Variants in PEX1 observed in about 807,000 individuals in gnomAD.
PEX1 encodes peroxisomal biogenesis factor 1.
Under a neutral mutation model 152.5 loss-of-function variants are expected in PEX1, and 97 were observed. That is an observed-to-expected ratio of 0.64 (90% CI 0.54 to 0.75). PEX1 has a LOEUF of 0.75. Ranked by LOEUF, PEX1 falls within the 30% of genes least tolerant of loss-of-function variation. The probability of loss-of-function intolerance (pLI) is 0.00; values close to 1 mark genes in which losing one functional copy is unlikely to be tolerated. For synonymous variants in PEX1, 485 were observed against 531.6 expected (o/e 0.91, Z 1.21); for missense variants, 1,357 against 1,516.3 (o/e 0.89, Z 1.74).
At chr7:92,527,594 G>T (rs1193993868) in intron 1 of PEX1, among the ~76,000 whole-genome samples, 1 of 152,216 alleles carries the variant, frequency 6.6e-6, no homozygotes. Flanking sequence ...GATTTATGAG[G>T]ATTTCAAATA....
At chr7:92,496,337 G>A (rs1791651839) in intron 17 of PEX1, among the ~76,000 whole-genome samples, 1 of 151,914 alleles carries the variant, frequency 6.6e-6, no homozygotes, top group Non-Finnish European at 1.5e-5. Context: ...TGGCCAGATG[G>A]ACTCTTGACT....
chr7:92,494,705 A>AATCACTT, intron 17 of PEX1, 76 bp from the exon 18 acceptor site: 1 of 1,168,222 alleles, frequency 8.6e-7, no homozygotes, highest in Non-Finnish European at 1.2e-6. Flanking sequence ...ACATATATGA[A>AATCACTT]TGTATTTATT....
At position 92,487,204 on chromosome 7, in the gene PEX1, T is replaced by C; in HGVS notation, c.*253A>G. ...AATTAGTTCCACCATTTGGCTAATA[T>C]TATTTCATTAAAGACTGAATTTAGA... On this transcript the variant is annotated 3_prime_UTR_variant, in exon 24 of 24. Transcript: ENST00000248633. 1 of 256,256 alleles carries C rather than the reference T, an allele frequency of 3.9e-6. No individual in the cohort carries two copies. The highest frequency in any genetic ancestry group is 7.3e-6 in the Non-Finnish European group (1 of 136,488). The allele number at this position is 256,256 out of a possible 1,614,324, so 15.9% of individuals were successfully genotyped here. A position where few individuals can be genotyped will look rare whatever the true frequency, so the allele number is the denominator to read the frequency against.
At chr7:92,518,851 T>G (rs2116252307) in intron 3 of PEX1, 144 bp downstream of exon 3, 655 of 686,544 alleles carry the variant, frequency 9.5e-4, no homozygotes, top group East Asian at 1.9e-3. Context: ...ACTATAGGCA[T>G]GAGCTACTGT....
intron 5 of PEX1, among the ~76,000 whole-genome samples, chr7:92,516,966 A>G (rs1431694775): frequency 1.3e-5 from 2 of 152,154 alleles, no homozygotes; most frequent in Non-Finnish European, 2.9e-5. Flanking sequence ...ATGAACCCCC[A>G]AGTCAATCTG....
rs1792858913 is a variant in PEX1, at chr7:92,517,656, A to C, written c.859T>G (p.Phe287Val). The C allele has an allele frequency of 6.2e-7, 1 of 1,614,040 alleles. No homozygotes were observed. Among genetic ancestry groups the C allele is most frequent in the Non-Finnish European group, 8.5e-7 (1 of 1,180,014 alleles). Reference sequence around the variant, plus strand: ...GGAGGTTGAGATTTGCATACTCTGAAAATATTGTCTAGAGGAACAACCTTT... The same window carrying C: ...GGAGGTTGAGATTTGCATACTCTGACAATATTGTCTAGAGGAACAACCTTT... ...QSKVVPLDNI[F>V]RVCKSQPPSI... The change falls in exon 5 of 24, where the codon TTC (phenylalanine) becomes GTC (valine). Residue 287 changes from phenylalanine (F) to valine (V), a missense_variant. Phe to Val is a conservative substitution (Grantham distance 50, BLOSUM62 -1). Transcript: ENST00000248633.
At position 92,528,425 on chromosome 7, in the gene PEX1, C is replaced by T; in HGVS notation, c.11G>A (p.Ser4Asn). The T allele has an allele frequency of 1.9e-6, 3 of 1,594,344 alleles. No homozygotes were observed. Among genetic ancestry groups the T allele is most frequent in the Non-Finnish European group, 2.6e-6 (3 of 1,172,156 alleles). Reference sequence around the variant, plus strand: ...TCCCCCAGCACCCGCCAGGCGATCGCTGCCCCACATCGTCCCGGAGCGTCG... The same window carrying T: ...TCCCCCAGCACCCGCCAGGCGATCGTTGCCCCACATCGTCCCGGAGCGTCG... MWG[S>N]DRLAGAGGGG... The change falls in exon 1 of 24, where the codon AGC (serine) becomes AAC (asparagine). Residue 4 changes from serine (S) to asparagine (N), a missense_variant. Coordinates refer to ENST00000248633, the MANE Select transcript of PEX1 (RefSeq NM_000466.3).
intron 11 of PEX1, 88 bp from the exon 12 acceptor site, chr7:92,504,990 G>A (rs1300305726): frequency 3.2e-6 from 3 of 936,782 alleles, no homozygotes; most frequent in Non-Finnish European, 3.5e-6. Flanking sequence ...AGAAAAGCTC[G>A]ATATTGATTT....
At chr7:92,518,087 T>C (rs1234156010) in intron 4 of PEX1, 45 bp from the exon 5 acceptor site, 1 of 1,610,274 alleles carries the variant, frequency 6.2e-7, no homozygotes, top group Non-Finnish European at 8.5e-7. Context: ...ATTTCTACTT[T>C]GGACTCAATG....
chr7:92,503,462 G>A (rs1159376480), intron 12 of PEX1, among the ~76,000 whole-genome samples: 4 of 152,146 alleles, frequency 2.6e-5, no homozygotes, highest in Non-Finnish European at 4.4e-5. Flanking sequence ...TTCCCTACTC[G>A]TGGATCTTAT....
intron 10 of PEX1, 188 bp from the exon 11 acceptor site, chr7:92,506,532 A>G (rs2116178142): frequency 3.4e-6 from 2 of 592,502 alleles, no homozygotes; most frequent in East Asian, 5.7e-5. Flanking sequence ...AAAACCAGAC[A>G]AAGACAACAC....
In PEX1 at chr7:92,522,090, A is replaced by G. The variant is rs377192432; in HGVS notation, c.273+12T>C. 4.3e-5 allele frequency: 69 copies of G among 1,613,130 alleles called. No homozygotes were observed. The African/African-American group carries it at 7.5e-4, about 17-fold the overall frequency. On this transcript the variant is annotated intron_variant, in intron 2 of 23. Transcript: ENST00000248633. ...ATATTAGAAGAAAGTTATTGCCATC[A>G]CATGTGCTTACCTGTCCCCCATTTG...
intron 23 of PEX1, among the ~76,000 whole-genome samples, chr7:92,488,803 G>A (rs374192761): frequency 1.3e-4 from 19 of 149,948 alleles, no homozygotes; most frequent in East Asian, 1.2e-3. Flanking sequence ...GTGCAATCTC[G>A]GCTCACTGCA....
chr7:92,513,301 A>G (rs952808129), intron 6 of PEX1, among the ~76,000 whole-genome samples: 1 of 152,240 alleles, frequency 6.6e-6, no homozygotes, highest in African/African-American at 2.4e-5. Context: ...ATGTGGAAAC[A>G]ACCCAAGTGT....
At chr7:92,524,375 C>A (rs186448259) in intron 1 of PEX1, among the ~76,000 whole-genome samples, 5 of 151,868 alleles carry the variant, frequency 3.3e-5, no homozygotes, top group Admixed American at 3.3e-4. Context: ...TCAAGCAATT[C>A]TCCTGCCTCA....
In PEX1 at chr7:92,491,265, A is replaced by G. The variant is rs2116057339; in HGVS notation, c.3438+7T>C. 9.6e-6 allele frequency: 15 copies of G among 1,563,150 alleles called. No homozygotes were observed. The highest frequency in any genetic ancestry group is 1.3e-5 in the Non-Finnish European group (15 of 1,133,496). On this transcript the variant is annotated splice_region_variant and intron_variant, in intron 21 of 23. Transcript: ENST00000248633. The stretch of plus-strand genomic sequence containing the variant: ...CAGAACTGTATAATGATGACTGCAC[A>G]AGATACCAAATCAGAAGAGGTTCCA...
chr7:92,513,332 A>G (rs1456239450), intron 6 of PEX1, among the ~76,000 whole-genome samples: 1 of 152,214 alleles, frequency 6.6e-6, no homozygotes, highest in East Asian at 1.9e-4. Context: ...ATGAATGGAT[A>G]AACAAATGTG....
At chr7:92,494,112 C>A in intron 19 of PEX1, 181 bp downstream of exon 19, 1 of 598,602 alleles carries the variant, frequency 1.7e-6, no homozygotes, top group Admixed American at 2.8e-5. Context: ...TTGCACTGGG[C>A]CAAAAAAAGG....
At chr7:92,522,840 C>T (rs556415813) in intron 1 of PEX1, among the ~76,000 whole-genome samples, 41 of 152,134 alleles carry the variant, frequency 2.7e-4, no homozygotes, top group African/African-American at 9.4e-4. Context: ...ATAATAAATG[C>T]ATGTGGCAAA....
Sources: gnomAD v4.1 joint callset for allele counts (sites outside exome capture counted in the v4.1 genomes callset) on GRCh38, gnomAD v4.1.1 for gene constraint, MANE v1.5 for transcripts, NCBI Gene and HGNC (gene_info 2026-07-23, HGNC 2026-07-21) for gene names.